Variants in CSMD1 observed in about 807,000 individuals in gnomAD.
CSMD1 encodes CUB and Sushi multiple domains 1.
In CSMD1, 213 loss-of-function variants were observed where a neutral mutation model predicts 417.5. The observed-to-expected ratio is 0.51, with a 90% confidence interval of 0.46 to 0.57. The LOEUF is 0.57. Among genes scored for constraint, CSMD1 ranks in the 20% least tolerant of loss-of-function variants. The probability of loss-of-function intolerance (pLI) is 0.00; values close to 1 mark genes in which losing one functional copy is unlikely to be tolerated. For synonymous variants in CSMD1, 2,862 were observed against 1,736.8 expected, an observed-to-expected ratio of 1.65 and a Z score of -16.11; for missense variants, 6,923 against 4,529.7, an observed-to-expected ratio of 1.53 and a Z score of -15.17.
chr8:3,961,595 T>C (rs1812328758), intron 5 of CSMD1, among the ~76,000 whole-genome samples: 1 of 152,234 alleles, frequency 6.6e-6, no homozygotes, highest in Non-Finnish European at 1.5e-5. Flanking sequence ...TTTGAGATCA[T>C]AATTTACTCA....
At chr8:4,105,599 C>T (rs913258346) in intron 3 of CSMD1, among the ~76,000 whole-genome samples, 1 of 152,154 alleles carries the variant, frequency 6.6e-6, no homozygotes, top group African/African-American at 2.4e-5. Flanking sequence ...ATGAGGGCTA[C>T]AGCAGAAGAG....
chr8:3,891,691 A>G (rs567096876), intron 5 of CSMD1, among the ~76,000 whole-genome samples: 118 of 151,666 alleles, frequency 7.8e-4, no homozygotes, highest in African/African-American at 2.7e-3. Context: ...TCAAAACGAA[A>G]AAAAAAGGAT....
chr8:3,005,958 A>G (rs1027727865), intron 52 of CSMD1, among the ~76,000 whole-genome samples: 1 of 152,146 alleles, frequency 6.6e-6, no homozygotes, highest in Non-Finnish European at 1.5e-5. Flanking sequence ...AGGGTATTCA[A>G]TTAGGAAAAG....
At chr8:4,902,989 TA>T (rs1804985521) in intron 1 of CSMD1, among the ~76,000 whole-genome samples, 1 of 135,856 alleles carries the variant, frequency 7.4e-6, no homozygotes, top group Admixed American at 7.4e-5. Context: ...TAATAATAAA[TA>T]AATGATAAAT....
chr8:4,204,584 C>G (rs975736955), intron 3 of CSMD1, among the ~76,000 whole-genome samples: 2 of 152,160 alleles, frequency 1.3e-5, no homozygotes, highest in African/African-American at 2.4e-5. Context: ...AAGATTCAAT[C>G]TGACAAAAAT....
At chr8:4,469,224 G>A (rs1351918265) in intron 2 of CSMD1, among the ~76,000 whole-genome samples, 3 of 152,064 alleles carry the variant, frequency 2.0e-5, no homozygotes, top group African/African-American at 4.8e-5. Context: ...AAGACCTAAG[G>A]AAAGGAAAGC....
At chr8:4,166,265 A>T (rs1797450455) in intron 3 of CSMD1, among the ~76,000 whole-genome samples, 1 of 152,206 alleles carries the variant, frequency 6.6e-6, no homozygotes, top group South Asian at 2.1e-4. Context: ...ATTTGATATA[A>T]AATACATAAA....
chr8:4,670,839 A>C (rs1347030652), intron 1 of CSMD1, among the ~76,000 whole-genome samples: 1 of 152,228 alleles, frequency 6.6e-6, no homozygotes, highest in African/African-American at 2.4e-5. Flanking sequence ...TTAGAAGAGC[A>C]AAAGAACGTG....
At chr8:4,091,315 T>G (rs925938264) in intron 3 of CSMD1, among the ~76,000 whole-genome samples, 1 of 152,180 alleles carries the variant, frequency 6.6e-6, no homozygotes, top group Non-Finnish European at 1.5e-5. Context: ...ATTCAATAAA[T>G]ATTTTGTTGT....
intron 5 of CSMD1, among the ~76,000 whole-genome samples, chr8:3,815,530 C>G (rs1314699690): frequency 2.7e-5 from 4 of 150,322 alleles, no homozygotes; most frequent in Non-Finnish European, 4.4e-5. Flanking sequence ...AGATATCAAA[C>G]AAAATAAAAG....
intron 3 of CSMD1, among the ~76,000 whole-genome samples, chr8:4,303,526 AT>A (rs1798093908): frequency 6.6e-6 from 1 of 150,396 alleles, no homozygotes; most frequent in Non-Finnish European, 1.5e-5. Flanking sequence ...ATATTCAAAG[AT>A]TCTGTAAAAG....
intron 5 of CSMD1, among the ~76,000 whole-genome samples, chr8:3,990,897 T>G (rs546369699): frequency 6.6e-6 from 1 of 152,264 alleles, no homozygotes; most frequent in South Asian, 2.1e-4. Context: ...GGAGGTCCAT[T>G]CTGACGTGAA....
chr8:3,393,953 C>T (rs1328194464), intron 17 of CSMD1, among the ~76,000 whole-genome samples: 2 of 136,100 alleles, frequency 1.5e-5, no homozygotes, highest in Non-Finnish European at 3.1e-5. Flanking sequence ...CAAACCTGCA[C>T]GTTGTGCACA....
At chr8:3,341,300 A>T (rs1016196194) in intron 23 of CSMD1, among the ~76,000 whole-genome samples, 1 of 152,218 alleles carries the variant, frequency 6.6e-6, no homozygotes, top group East Asian at 1.9e-4. Flanking sequence ...ACAACAGAAG[A>T]GGCTTCAGAA....
intron 1 of CSMD1, chr8:4,787,956 C>G: frequency 6.3e-7 from 1 of 1,595,676 alleles, no homozygotes; most frequent in Non-Finnish European, 8.6e-7. Context: ...TTCCTGGAGA[C>G]TCTGGCCATC....
Position 3,754,329 on chromosome 8 carries a change from T to C in CSMD1, c.819-287A>G, listed in dbSNP as rs113503365. Reference sequence around the variant, plus strand: ...AGGAGGAGGTATTCTTTTGATCTCTTAGTTCTTTTCATCAAGATCTTAATC... The same window carrying C: ...AGGAGGAGGTATTCTTTTGATCTCTCAGTTCTTTTCATCAAGATCTTAATC... On this transcript the variant is annotated intron_variant, in intron 5 of 69. Coordinates refer to ENST00000635120, the MANE Select transcript of CSMD1 (RefSeq NM_033225.6). 3.8e-3 allele frequency among the ~76,000 whole-genome samples: 582 copies of C among 152,308 alleles called. 5 individuals carry two copies. Among genetic ancestry groups the C allele is most frequent in the African/African-American group, 0.013 (553 of 41,572 alleles).
intron 5 of CSMD1, among the ~76,000 whole-genome samples, chr8:3,918,352 G>A (rs543270734): frequency 2.0e-5 from 3 of 151,998 alleles, no homozygotes; most frequent in East Asian, 3.9e-4. Context: ...CCCCACGTCC[G>A]CATCAACACA....
intron 2 of CSMD1, among the ~76,000 whole-genome samples, chr8:4,526,345 G>C (rs551667626): frequency 1.3e-5 from 2 of 152,292 alleles, no homozygotes; most frequent in South Asian, 4.1e-4. Flanking sequence ...TATGGTATTA[G>C]GTTCACGCTG....
chr8:4,389,646 T>C (rs1436695446), intron 3 of CSMD1, among the ~76,000 whole-genome samples: 1 of 152,184 alleles, frequency 6.6e-6, no homozygotes, highest in Admixed American at 6.5e-5. Context: ...TAGTATCCAC[T>C]TCCCTCCCTA....
Sources: gnomAD v4.1 joint callset for allele counts (sites outside exome capture counted in the v4.1 genomes callset) on GRCh38, gnomAD v4.1.1 for gene constraint, MANE v1.5 for transcripts, NCBI Gene and HGNC (gene_info 2026-07-23, HGNC 2026-07-21) for gene names.